RAPGEF1: variants seen among roughly 807,000 people sequenced by gnomAD.
RAPGEF1 encodes the protein Rap guanine nucleotide exchange factor 1.
RAPGEF1 carries 33 observed loss-of-function variants against 143.3 expected under a neutral mutation model. That is an observed-to-expected ratio of 0.23 (90% CI 0.17 to 0.31). The LOEUF is 0.31. RAPGEF1 is among the 10% of genes least tolerant of loss of function. The probability of loss-of-function intolerance (pLI) is 1.00; values close to 1 mark genes in which losing one functional copy is unlikely to be tolerated. For synonymous variants in RAPGEF1, 629 were observed against 676.5 expected (o/e 0.93, Z 1.09); for missense variants, 1,199 against 1,645.4 (o/e 0.73, Z 4.69).
intron 1 of RAPGEF1, among the ~76,000 whole-genome samples, chr9:131,662,105 T>G (rs1300180411): frequency 6.6e-6 from 1 of 152,238 alleles, no homozygotes; most frequent in Admixed American, 6.5e-5. Flanking sequence ...GCATCTCATC[T>G]GTGCCTTACA....
intron 1 of RAPGEF1, among the ~76,000 whole-genome samples, chr9:131,669,141 CG>C (rs1830931349): frequency 6.6e-6 from 1 of 152,202 alleles, no homozygotes; most frequent in African/African-American, 2.4e-5. Flanking sequence ...TGGCAGCAGA[CG>C]GCCCCCACCT....
At chr9:131,653,177 C>T (rs1971545699) in intron 1 of RAPGEF1, among the ~76,000 whole-genome samples, 1 of 152,178 alleles carries the variant, frequency 6.6e-6, no homozygotes. Flanking sequence ...GCTCAAGTCC[C>T]TTATATAAAA....
At chr9:131,702,278 T>C (rs1297755009) in intron 1 of RAPGEF1, among the ~76,000 whole-genome samples, 1 of 152,210 alleles carries the variant, frequency 6.6e-6, no homozygotes, top group Non-Finnish European at 1.5e-5. Context: ...TTAATAATCA[T>C]TGCTCTCTGG....
intron 1 of RAPGEF1, among the ~76,000 whole-genome samples, chr9:131,721,869 A>C (rs11243487): frequency 0.11 from 16,763 of 152,230 alleles, 1,387 homozygotes; most frequent in African/African-American, 0.23. Context: ...GGGAGGATGC[A>C]TAGGTTATCT....
At position 131,737,680 on chromosome 9, in the gene RAPGEF1, A is replaced by G. The variant is rs528556027; in HGVS notation, c.61+2090T>C. On this transcript the variant is annotated intron_variant, in intron 1 of 26. Coordinates refer to ENST00000683357, the MANE Select transcript of RAPGEF1 (RefSeq NM_001377935.1). The stretch of plus-strand genomic sequence containing the variant: ...GCAACTTTTTCCTTTTTTTAAAAAA[A>G]GAGGCCCAGCGCGGTGGCTCACGCA... 8 of 1,176,056 alleles carry G rather than the reference A, an allele frequency of 6.8e-6. No individual in the cohort carries two copies. In the South Asian group the frequency reaches 1.2e-4, roughly 17 times the overall value. 72.9% of individuals were successfully genotyped at this position (1,176,056 alleles called of 1,614,324 possible).
chr9:131,704,046 G>T (rs1295988274), intron 1 of RAPGEF1, among the ~76,000 whole-genome samples: 1 of 152,006 alleles, frequency 6.6e-6, no homozygotes, highest in Non-Finnish European at 1.5e-5. Flanking sequence ...CCCTTTATGT[G>T]AATTATCTCA....
intron 1 of RAPGEF1, among the ~76,000 whole-genome samples, chr9:131,727,452 G>C (rs542347139): frequency 6.6e-6 from 1 of 152,270 alleles, no homozygotes; most frequent in East Asian, 1.9e-4. Flanking sequence ...TCCAATTATA[G>C]AGTGGGGTTC....
rs1229116067 is a variant in RAPGEF1, at chr9:131,626,390, G to C, written c.1234C>G (p.Gln412Glu). ...HYDPDYEFLQ[Q>E]DLSNADQIPQ... ...ATCTGGTCTGCGTTAGAGAGGTCTT[G>C]CTGGAGGAATTCATAGTCGGGATCA... Residue 412 changes from glutamine (Q) to glutamate (E), a missense_variant, in exon 10 of 27, where the codon CAA becomes GAA. Gln to Glu is a conservative substitution (Grantham distance 29). Transcript: ENST00000683357. 6.2e-7 allele frequency: 1 copy of C among 1,605,290 alleles called. No individual in the cohort carries two copies. The highest frequency in any genetic ancestry group is 1.3e-5 in the African/African-American group (1 of 74,766).
rs1055371280 is a variant in RAPGEF1, at chr9:131,675,335, C to A, written c.62-24386G>T. Among the ~76,000 whole-genome samples the A allele has an allele frequency of 1.3e-5, 2 of 151,996 alleles. No individual in the cohort carries two copies. The highest frequency in any genetic ancestry group is 4.2e-4 in the South Asian group (2 of 4,812). ...GGGAGGGCAAGAGCCAGGGGCTGGG[C>A]GAGGCTGTGGAGGAGGGCTCTGCGG... is the stretch of plus-strand genomic sequence containing the variant. On this transcript the variant is annotated intron_variant, in intron 1 of 26. Coordinates refer to ENST00000683357, the MANE Select transcript of RAPGEF1 (RefSeq NM_001377935.1). The surrounding 1 kb of genome is among the most constrained non-coding windows in gnomAD (Gnocchi z 4.6).
intron 3 of RAPGEF1, among the ~76,000 whole-genome samples, chr9:131,647,346 T>C (rs543220268): frequency 1.2e-4 from 18 of 152,140 alleles, no homozygotes; most frequent in South Asian, 6.2e-4. Context: ...CCCCACACAA[T>C]TATGGTGAGG....
intron 12 of RAPGEF1, among the ~76,000 whole-genome samples, chr9:131,617,148 C>T (rs1959134186): frequency 6.6e-6 from 1 of 152,226 alleles, no homozygotes; most frequent in South Asian, 2.1e-4. Context: ...TCCTCTAACC[C>T]TAACTGCTCA....
chr9:131,582,587 G>A lies in RAPGEF1; in HGVS notation c.3512+18C>T. 1 of 1,490,876 alleles carries A rather than the reference G, an allele frequency of 6.7e-7. No individual in the cohort carries two copies. Among genetic ancestry groups the A allele is most frequent in the Non-Finnish European group, 8.9e-7 (1 of 1,124,726 alleles). The allele number at this position is 1,490,876 out of a possible 1,614,324, so 92.4% of individuals were successfully genotyped here. The stretch of plus-strand genomic sequence containing the variant: ...CAAACCCAGGCGGGGCTGGGGGCCT[G>A]GAGGGGCTGCTACTCACAGGTACGG... On this transcript the variant is annotated intron_variant, in intron 25 of 26. Coordinates refer to ENST00000683357, the MANE Select transcript of RAPGEF1 (RefSeq NM_001377935.1).
intron 18 of RAPGEF1, among the ~76,000 whole-genome samples, chr9:131,590,615 T>C (rs1196573826): frequency 1.3e-5 from 2 of 152,214 alleles, no homozygotes; most frequent in East Asian, 1.9e-4. Context: ...TGCCCGGCTG[T>C]TGTGCTCGCC....
chr9:131,650,778 G>A lies in RAPGEF1; in HGVS notation c.201+32C>T. 6.2e-7 allele frequency: 1 copy of A among 1,609,388 alleles called. No individual in the cohort carries two copies. ...CAAACTCATATTGCTGGAAGCAGGT[G>A]AGGCCAGGAGAAACATCCAGAGTCA... On this transcript the variant is annotated intron_variant, in intron 2 of 26. Transcript: ENST00000683357. The surrounding 1 kb of genome is among the most constrained non-coding windows in gnomAD (Gnocchi z 4.7).
chr9:131,720,232 C>A (rs1318472042), intron 1 of RAPGEF1, among the ~76,000 whole-genome samples: 2 of 152,226 alleles, frequency 1.3e-5, no homozygotes, highest in African/African-American at 4.8e-5. Context: ...CTGTCACCTC[C>A]TTCCAGTGCT....
At chr9:131,581,670 C>T (rs1198313541) in intron 25 of RAPGEF1, among the ~76,000 whole-genome samples, 1 of 152,194 alleles carries the variant, frequency 6.6e-6, no homozygotes, top group Non-Finnish European at 1.5e-5. Flanking sequence ...CCACTGCATA[C>T]CAGCCTGGGT....
At chr9:131,709,247 T>C (rs1835329582) in intron 1 of RAPGEF1, among the ~76,000 whole-genome samples, 1 of 152,126 alleles carries the variant, frequency 6.6e-6, no homozygotes, top group Non-Finnish European at 1.5e-5. Context: ...CTCAGGAGGC[T>C]GAGGCAGAGA....
intron 3 of RAPGEF1, 73 bp from the exon 4 acceptor site, chr9:131,643,490 T>A (rs1968637296): frequency 7.1e-7 from 1 of 1,406,622 alleles, no homozygotes; most frequent in African/African-American, 1.4e-5. Context: ...TAAAGGAACA[T>A]TTTCTTTAAA....
chr9:131,668,327 A>G (rs1771759260), intron 1 of RAPGEF1, among the ~76,000 whole-genome samples: 1 of 152,260 alleles, frequency 6.6e-6, no homozygotes. Context: ...ACTTCCTCTC[A>G]GAAATTTTTA....
Sources: gnomAD v4.1 joint callset for allele counts (sites outside exome capture counted in the v4.1 genomes callset) on GRCh38, gnomAD v4.1.1 for gene constraint, Gnocchi (gnomAD v3.1) non-coding constraint, MANE v1.5 for transcripts, NCBI Gene and HGNC (gene_info 2026-07-23, HGNC 2026-07-21) for gene names.